ZNF793: variants seen among roughly 807,000 people sequenced by gnomAD.
The protein encoded by ZNF793 is zinc finger protein 793.
A neutral mutation model predicts 12.4 loss-of-function variants in ZNF793; 5 were observed. The ratio of observed to expected loss-of-function variants is 0.40; its 90% CI spans 0.21 to 0.84. The LOEUF is 0.84. Ranked by LOEUF, ZNF793 falls within the 40% of genes least tolerant of loss-of-function variation. ZNF793 has a pLI of 0.35. For missense variants in ZNF793, 456 were observed against 495.0 expected (o/e 0.92, Z 0.75); for synonymous variants, 162 against 172.4 (o/e 0.94, Z 0.47).
At chr19:37,535,478 A>G (rs1680093803) in intron 7 of ZNF793, 1 of 152,188 alleles carries the variant, frequency 6.6e-6, no homozygotes, top group South Asian at 2.1e-4. Flanking sequence ...AAAATAAATG[A>G]CTAAAGTACA....
chr19:37,526,928 C>T (rs1264440840), intron 5 of ZNF793, among the ~76,000 whole-genome samples: 1 of 152,130 alleles, frequency 6.6e-6, no homozygotes, highest in East Asian at 1.9e-4. Flanking sequence ...ATTTTTTGTC[C>T]TTTAGAATTG....
At chr19:37,525,181 C>T (rs1278645272) in intron 5 of ZNF793, among the ~76,000 whole-genome samples, 1 of 151,736 alleles carries the variant, frequency 6.6e-6, no homozygotes, top group Admixed American at 6.6e-5. Context: ...CTCTGTCGCC[C>T]AGGCTGGAGT....
At chr19:37,529,341 A>G (rs1306026883) in intron 5 of ZNF793, among the ~76,000 whole-genome samples, 1 of 152,082 alleles carries the variant, frequency 6.6e-6, no homozygotes, top group Non-Finnish European at 1.5e-5. Flanking sequence ...CACCCAGGTT[A>G]CTATAGGGTC....
In ZNF793 at chr19:37,540,790, A is replaced by G. The variant is rs981707466; in HGVS notation, c.*2911A>G. 6.6e-6 allele frequency: 1 copy of G among 152,098 alleles called. No homozygotes were observed. The highest frequency in any genetic ancestry group is 2.4e-5 in the African/African-American group (1 of 41,434). 9.4% of individuals were successfully genotyped at this position (152,098 alleles called of 1,614,324 possible). On this transcript the variant is annotated 3_prime_UTR_variant, in exon 8 of 8. Coordinates refer to ENST00000627814, the MANE Select transcript of ZNF793 (RefSeq NM_001013659.3). ...ACTTTTCTAAGAAGACAGGGTACCA[A>G]AATCAAGAGCTGTTCTCCATACTGA...
chr19:37,513,430 T>A (rs2042308275), intron 2 of ZNF793, among the ~76,000 whole-genome samples: 1 of 152,128 alleles, frequency 6.6e-6, no homozygotes, highest in Non-Finnish European at 1.5e-5. Context: ...AAATAGGAGG[T>A]GCACATTAGA....
At chr19:37,532,589 T>C (rs1298675221) in intron 6 of ZNF793, 107 bp downstream of exon 6, 1 of 1,279,234 alleles carries the variant, frequency 7.8e-7, no homozygotes, top group Non-Finnish European at 1.0e-6. Context: ...GGCAGGTGGA[T>C]CACCTGAGGT....
intron 2 of ZNF793, among the ~76,000 whole-genome samples, chr19:37,515,500 G>A (rs912733987): frequency 6.6e-6 from 1 of 152,058 alleles, no homozygotes; most frequent in African/African-American, 2.4e-5. Flanking sequence ...AGTAGAGACG[G>A]GGTTTCACCG....
chr19:37,537,250 AC>A lies in ZNF793; in HGVS notation c.595del (p.Gln199ArgfsTer11), dbSNP rs772270204. On this transcript the variant is annotated frameshift_variant, in exon 8 of 8. Coordinates refer to ENST00000627814, the MANE Select transcript of ZNF793 (RefSeq NM_001013659.3). LOFTEE classifies it low-confidence loss of function (END_TRUNC). ...RGCSHCEKAF[T>X]QNPALMYKPA... is the part of the protein sequence containing the mutation. ...TTGCAGTCACTGTGAGAAAGCTTTC[AC>A]CCAGAACCCGGCACTTATGTATAAA... is the stretch of plus-strand genomic sequence containing the variant. The A allele has an allele frequency of 1.9e-6, 3 of 1,613,770 alleles. No homozygotes were observed. In the African/African-American group the frequency reaches 4.0e-5, roughly 22 times the overall value.
intron 2 of ZNF793, among the ~76,000 whole-genome samples, chr19:37,515,391 T>C (rs1033774488): frequency 6.6e-6 from 1 of 151,828 alleles, no homozygotes; most frequent in Non-Finnish European, 1.5e-5. Context: ...CACTGCAAGC[T>C]CCGCTTCCCG....
Position 37,542,556 on chromosome 19 carries a change from A to C in ZNF793, c.*4677A>C, listed in dbSNP as rs2042558854. The stretch of plus-strand genomic sequence containing the variant: ...TTCTTAATGGCAAAAAAACCCCCAA[A>C]ACCAAAGCAAACACTAGAATCAAAG... On this transcript the variant is annotated 3_prime_UTR_variant, in exon 8 of 8. Transcript: ENST00000627814. 1 of 337,388 alleles carries C rather than the reference A, an allele frequency of 3.0e-6. No homozygotes were observed. Among genetic ancestry groups the C allele is most frequent in the South Asian group, 2.4e-5 (1 of 42,218 alleles). The allele number at this position is 337,388 out of a possible 1,614,324, so 20.9% of individuals were successfully genotyped here. A position where few individuals can be genotyped will look rare whatever the true frequency, so the allele number is the denominator to read the frequency against.
At chr19:37,516,242 C>G (rs777718746) in intron 2 of ZNF793, among the ~76,000 whole-genome samples, 4 of 152,186 alleles carry the variant, frequency 2.6e-5, no homozygotes, top group Non-Finnish European at 4.4e-5. Flanking sequence ...TCAGGCGATT[C>G]TTCTGCCTCA....
rs2042549946 is a variant in ZNF793, at chr19:37,541,214, A to G, written c.*3335A>G. The G allele has an allele frequency of 6.6e-6, 1 of 152,012 alleles. No homozygotes were observed. Among genetic ancestry groups the G allele is most frequent in the South Asian group, 2.1e-4 (1 of 4,836 alleles). 9.4% of individuals were successfully genotyped at this position (152,012 alleles called of 1,614,324 possible). ...CTGGAACAGAACCTTTTAATCTTAA[A>G]GGAAGAAAATTTGGATTAACAGCAC... On this transcript the variant is annotated 3_prime_UTR_variant, in exon 8 of 8. Transcript: ENST00000627814.
At position 37,510,559 on chromosome 19, in the gene ZNF793, T is replaced by A. The variant is rs959631885; in HGVS notation, c.-276+2156T>A. ...ATTAGCTGGGTGTGGTGGCTCACAC[T>A]TGTGATCCTAGCTACTGGAAAGGCT... On this transcript the variant is annotated intron_variant, in intron 2 of 7. Coordinates refer to ENST00000627814, the MANE Select transcript of ZNF793 (RefSeq NM_001013659.3). Among the ~76,000 whole-genome samples, 76 of 150,572 alleles carry A rather than the reference T, an allele frequency of 5.0e-4. 1 individual carries two copies. Among genetic ancestry groups the A allele is most frequent in the Admixed American group, 5.0e-3 (76 of 15,132 alleles).
Position 37,539,913 on chromosome 19 carries a change from A to T in ZNF793, c.*2034A>T, listed in dbSNP as rs1031883415. 6.6e-6 allele frequency: 1 copy of T among 152,226 alleles called. No homozygotes were observed. The highest frequency in any genetic ancestry group is 6.5e-5 in the Admixed American group (1 of 15,288). 9.4% of individuals were successfully genotyped at this position (152,226 alleles called of 1,614,324 possible). On this transcript the variant is annotated 3_prime_UTR_variant, in exon 8 of 8. Transcript: ENST00000627814. The stretch of plus-strand genomic sequence containing the variant: ...TTATTTATTATATGGATGTAATACA[A>T]TCCATGAACTGTACTCATTTATTTT...
intron 6 of ZNF793, 27 bp from the exon 7 acceptor site, chr19:37,533,281 A>G (rs771773581): frequency 6.2e-7 from 1 of 1,609,672 alleles, no homozygotes; most frequent in African/African-American, 1.3e-5. Flanking sequence ...GCTCAGCCCA[A>G]GACCTGCATC....
intron 2 of ZNF793, among the ~76,000 whole-genome samples, chr19:37,515,391 T>G (rs1033774488): frequency 4.0e-5 from 6 of 151,828 alleles, no homozygotes; most frequent in African/African-American, 1.5e-4. Context: ...CACTGCAAGC[T>G]CCGCTTCCCG....
At position 37,529,966 on chromosome 19, in the gene ZNF793, C is replaced by G. The variant is rs551824993; in HGVS notation, c.16-2390C>G. 2.1e-4 allele frequency among the ~76,000 whole-genome samples: 32 copies of G among 151,544 alleles called. 1 individual carries two copies. The highest frequency in any genetic ancestry group is 2.0e-3 in the Admixed American group (30 of 15,166). ...AGGATCCCGCCAGCCTCTGAGTTCC[C>G]TTAGTATTTATTGATCATTCTTGGG... On this transcript the variant is annotated intron_variant, in intron 5 of 7. Transcript: ENST00000627814.
rs533371000 is a variant in ZNF793 at position 37,537,438 on chromosome 19, T to G, written c.780T>G (p.Cys260Trp). ...AGAAGCCTTATGGCTGCACTGACTG[T>G]GGGAAAGCCTTTTCACATAAGTCAA... Reference protein sequence around the residue: ...TGEKPYGCTDCGKAFSHKSTL... With the variant: ...TGEKPYGCTDWGKAFSHKSTL... Residue 260 changes from cysteine to tryptophan, a missense_variant, in exon 8 of 8, where the codon TGT (cysteine) becomes TGG (tryptophan). Cys to Trp is a radical substitution (Grantham distance 215). Coordinates refer to ENST00000627814, the MANE Select transcript of ZNF793 (RefSeq NM_001013659.3). 6.2e-7 allele frequency: 1 copy of G among 1,613,688 alleles called. No individual in the cohort carries two copies. Among genetic ancestry groups the G allele is most frequent in the South Asian group, 1.1e-5 (1 of 91,048 alleles).
intron 2 of ZNF793, among the ~76,000 whole-genome samples, chr19:37,516,269 G>A (rs2042331448): frequency 6.6e-6 from 1 of 152,124 alleles, no homozygotes; most frequent in African/African-American, 2.4e-5. Context: ...CAAGTAGCTG[G>A]GATTACAGGC....
Sources: allele counts gnomAD v4.1 joint callset (sites outside exome capture counted in the v4.1 genomes callset), GRCh38; gene constraint gnomAD v4.1.1; transcripts MANE v1.5; gene names NCBI Gene and HGNC (gene_info 2026-07-23, HGNC 2026-07-21).